HSPG2: variants seen among roughly 807,000 people sequenced by gnomAD.
The protein encoded by HSPG2 is basement membrane-specific heparan sulfate proteoglycan core protein.
A neutral mutation model predicts 526.6 loss-of-function variants in HSPG2; 278 were observed. The ratio of observed to expected loss-of-function variants is 0.53; its 90% CI spans 0.48 to 0.58. The LOEUF (loss-of-function observed/expected upper bound fraction) is 0.58, where lower values mean the gene tolerates loss of function less well. Ranked by LOEUF, HSPG2 falls within the 20% of genes least tolerant of loss-of-function variation. The pLI is 0.00. For missense variants in HSPG2, 5,354 were observed against 6,099.5 expected (o/e 0.88, Z 4.07); for synonymous variants, 2,465 against 2,555.4 (o/e 0.96, Z 1.07).
chr1:21,849,281 T>C lies in HSPG2; in HGVS notation c.7447-250A>G, dbSNP rs71636992. 0.041 allele frequency among the ~76,000 whole-genome samples: 6,181 copies of C among 152,324 alleles called. 181 individuals are homozygous for C. Among genetic ancestry groups the C allele is most frequent in the South Asian group, 0.11 (512 of 4,828 alleles). On this transcript the variant is annotated intron_variant, in intron 57 of 96. Coordinates refer to ENST00000374695, the MANE Select transcript of HSPG2 (RefSeq NM_005529.7). ...GAGAAAAGTGGGGACCAGTGTTTGTTGACATGCTACAGGGGAGATGAGGTA... is the reference window on the plus strand; with the variant it reads ...GAGAAAAGTGGGGACCAGTGTTTGTCGACATGCTACAGGGGAGATGAGGTA...
chr1:21,872,973 G>A lies in HSPG2; in HGVS notation c.3888+24C>T, dbSNP rs749183341. 2.5e-5 allele frequency: 40 copies of A among 1,603,902 alleles called. 1 individual carries two copies. In the South Asian group the frequency reaches 3.5e-4, roughly 14 times the overall value. ...TGGGCAGCGGGGCAGAGCAGGCCCC[G>A]CAGGGACAGGGATTCGGACTGACCT... On this transcript the variant is annotated intron_variant, in intron 31 of 96. Coordinates refer to ENST00000374695, the MANE Select transcript of HSPG2 (RefSeq NM_005529.7). The surrounding 1 kb of genome is among the most constrained non-coding windows in gnomAD (Gnocchi z 5.5).
chr1:21,924,401 C>T (rs1266976772), intron 1 of HSPG2, among the ~76,000 whole-genome samples: 1 of 152,120 alleles, frequency 6.6e-6, no homozygotes, highest in African/African-American at 2.4e-5. Flanking sequence ...TCAATAGCGT[C>T]AATGAAGGAA....
chr1:21,919,696 C>A (rs1477616835), intron 1 of HSPG2, among the ~76,000 whole-genome samples: 1 of 152,102 alleles, frequency 6.6e-6, no homozygotes, highest in Admixed American at 6.5e-5. Context: ...ATCTTGTCGG[C>A]GTGCAGATTC....
In HSPG2 at chr1:21,839,177, G is replaced by A; in HGVS notation, c.9890-92C>T. ...ATCCAGTGTCCAGGGAAGCTGAATG[G>A]TGAGCCCAGAGGACTGGGGATAAGG... On this transcript the variant is annotated intron_variant, in intron 73 of 96. Coordinates refer to ENST00000374695, the MANE Select transcript of HSPG2 (RefSeq NM_005529.7). This position sits in a 1 kb window ranked among gnomAD's most constrained non-coding sequence, Gnocchi z 4.5. 1 of 1,504,758 alleles carries A rather than the reference G, an allele frequency of 6.6e-7. No individual in the cohort carries two copies. Among genetic ancestry groups the A allele is most frequent in the Non-Finnish European group, 9.0e-7 (1 of 1,111,854 alleles). 93.2% of individuals were successfully genotyped at this position (1,504,758 alleles called of 1,614,324 possible).
intron 1 of HSPG2, among the ~76,000 whole-genome samples, chr1:21,907,726 C>G (rs940779314): frequency 2.0e-5 from 3 of 152,112 alleles, no homozygotes; most frequent in Admixed American, 2.0e-4. Flanking sequence ...GTTGCCCAGG[C>G]TGGTCTCGAA....
chr1:21,857,122 C>T lies in HSPG2; in HGVS notation c.5468G>A (p.Gly1823Asp), dbSNP rs955779293. ...CTGGACGTTGCGAATGGTCAGGATG[C>T]CATTGAAATCCATGGCTCGGGTGGG... is the stretch of plus-strand genomic sequence containing the variant. The part of the protein sequence containing the change: ...KLPTRAMDFN[G>D]ILTIRNVQLS... The change falls in exon 44 of 97, where the codon GGC becomes GAC. Residue 1823 changes from glycine to aspartate, a missense_variant. Physicochemically the swap from Gly to Asp is moderately conservative, Grantham distance 94 (BLOSUM62 -1). Transcript: ENST00000374695. The T allele has an allele frequency of 6.2e-7, 1 of 1,614,120 alleles. No individual in the cohort carries two copies. Among genetic ancestry groups the T allele is most frequent in the Non-Finnish European group, 8.5e-7 (1 of 1,180,036 alleles).
Position 21,900,793 on chromosome 1 carries a change from G to A in HSPG2, c.64-4483C>T, listed in dbSNP as rs538183176. Reference sequence around the variant, plus strand: ...CCAACTACTCGGGAGGCTGAGGTAGGAGAATTGCTTGAACCCAGGAGGCGG... The same window carrying A: ...CCAACTACTCGGGAGGCTGAGGTAGAAGAATTGCTTGAACCCAGGAGGCGG... On this transcript the variant is annotated intron_variant, in intron 1 of 96. Transcript: ENST00000374695. Among the ~76,000 whole-genome samples the A allele has an allele frequency of 5.3e-5, 8 of 152,256 alleles. No individual in the cohort carries two copies. The South Asian group carries it at 1.2e-3, about 24-fold the overall frequency.
In HSPG2 at chr1:21,829,480, G is replaced by A; in HGVS notation, c.11895C>T (p.Val3965=). 1.2e-6 allele frequency: 2 copies of A among 1,613,394 alleles called. No individual in the cohort carries two copies. Among genetic ancestry groups the A allele is most frequent in the East Asian group, 2.2e-5 (1 of 44,878 alleles). The change falls in exon 87 of 97, where the codon GTC becomes GTT. Residue 3965 remains valine (V), a synonymous_variant. Transcript: ENST00000374695. Reference sequence around the variant, plus strand: ...CGCTCTTCCCCCCGCTGAACAGCAGGACCCCGTCAGGGGCGAGTGGCTTGA... The same window carrying A: ...CGCTCTTCCCCCCGCTGAACAGCAGAACCCCGTCAGGGGCGAGTGGCTTGA... The part of the protein sequence containing the change: ...VEFKPLAPDG[V]LLFSGGKSGP...
chr1:21,908,312 C>T, intron 1 of HSPG2: 1 of 979,934 alleles, frequency 1.0e-6, no homozygotes, highest in Admixed American at 1.7e-5. Context: ...CAGTATGCTG[C>T]TAGCATTGTT....
chr1:21,835,255 G>A (rs2098021713), intron 76 of HSPG2: 5 of 597,140 alleles, frequency 8.4e-6, no homozygotes, highest in Non-Finnish European at 1.5e-5. Context: ...TCCTGAGTAG[G>A]TGGGACTACA....
At chr1:21,853,799 TA>T (rs1026348339) in intron 50 of HSPG2, 2 of 187,684 alleles carry the variant, frequency 1.1e-5, no homozygotes, top group Non-Finnish European at 1.0e-5. Context: ...AATAAAATAA[TA>T]AAAAAACCAC....
chr1:21,862,359 G>A (rs910210983), intron 37 of HSPG2, among the ~76,000 whole-genome samples: 2 of 152,134 alleles, frequency 1.3e-5, no homozygotes, highest in African/African-American at 4.8e-5. Context: ...CGAGGCGGGT[G>A]GATCACCTGA....
At chr1:21,829,275 T>C in intron 87 of HSPG2, 108 bp downstream of exon 87, 1 of 1,400,596 alleles carries the variant, frequency 7.1e-7, no homozygotes, top group South Asian at 1.2e-5. Flanking sequence ...AAGAGGGGAC[T>C]TGCCCTGATC....
intron 6 of HSPG2, among the ~76,000 whole-genome samples, chr1:21,888,497 G>A (rs539082885): frequency 6.6e-6 from 1 of 152,298 alleles, no homozygotes; most frequent in African/African-American, 2.4e-5. Context: ...TTAGAGACAG[G>A]GTCTTGCTAC....
At position 21,828,989 on chromosome 1, in the gene HSPG2, C is replaced by T. The variant is rs369541804; in HGVS notation, c.12083G>A (p.Arg4028Gln). ...CAGCACAGGGCGTCCACCATTCACC[C>T]GCAGGCTGCCGTCCTTGTTGAGACG... The part of the protein sequence containing the change: ...AERLNKDGSL[R>Q]VNGGRPVLRS... Residue 4028 changes from arginine (R) to glutamine (Q), a missense_variant, in exon 88 of 97, where the codon CGG becomes CAG. Transcript: ENST00000374695. The surrounding 1 kb of genome is among the most constrained non-coding windows in gnomAD (Gnocchi z 6.0). 8.6e-5 allele frequency: 135 copies of T among 1,571,334 alleles called. No homozygotes were observed. Among genetic ancestry groups the T allele is most frequent in the African/African-American group, 8.4e-4 (62 of 73,998 alleles).
At chr1:21,837,167 C>T (rs1228503467) in intron 74 of HSPG2, among the ~76,000 whole-genome samples, 161 bp from the exon 75 acceptor site, 2 of 152,264 alleles carry the variant, frequency 1.3e-5, no homozygotes, top group African/African-American at 4.8e-5. Context: ...ATTCATTCAT[C>T]TGCACACACA....
At chr1:21,885,855 C>T (rs1364751954) in intron 9 of HSPG2, among the ~76,000 whole-genome samples, 9 of 152,254 alleles carry the variant, frequency 5.9e-5, no homozygotes, top group African/African-American at 2.2e-4. Context: ...TACCAGAATG[C>T]CTGGCACAGT....
At position 21,884,915 on chromosome 1, in the gene HSPG2, C is replaced by T. The variant is rs147812691; in HGVS notation, c.1359G>A (p.Val453=). ...NWGHIPSHPR[V]TVTSEGGRGT... ...CACGGCCACCCTCGCTGGTCACTGT[C>T]ACCCTGGTGAGCCCCAAGACAAGTG... The change falls in exon 12 of 97, where the codon GTG becomes GTA. Residue 453 remains valine (V), a synonymous_variant. Transcript: ENST00000374695. 5.3e-5 allele frequency: 85 copies of T among 1,614,020 alleles called. No homozygotes were observed. In the African/African-American group the frequency reaches 1.1e-3, roughly 20 times the overall value.
In HSPG2 at chr1:21,885,358, T is replaced by C. The variant is rs544225589; in HGVS notation, c.1172A>G (p.Glu391Gly). 8.7e-6 allele frequency: 14 copies of C among 1,614,104 alleles called. No homozygotes were observed. The Admixed American group carries it at 2.0e-4, about 23-fold the overall frequency. Residue 391 changes from glutamate to glycine, a missense_variant, in exon 10 of 97, where the codon GAG (glutamate) becomes GGG (glycine). By Grantham distance (98) the Glu-to-Gly change is moderately conservative (BLOSUM62 -2). Transcript: ENST00000374695. Reference protein sequence around the residue: ...CIPASFHCDEESDCPDRSDEF... With the variant: ...CIPASFHCDEGSDCPDRSDEF... ...GTCGCTCCGGTCAGGACAGTCGCTC[T>C]CCTCGTCACAGTGGAAGCTGGCTGG...
Sources: allele counts gnomAD v4.1 joint callset (sites outside exome capture counted in the v4.1 genomes callset), GRCh38; gene constraint gnomAD v4.1.1; non-coding constraint Gnocchi (gnomAD v3.1); transcripts MANE v1.5; gene names NCBI Gene and HGNC (gene_info 2026-07-23, HGNC 2026-07-21).